FRAS1: variants seen among roughly 807,000 people sequenced by gnomAD.
The protein encoded by FRAS1 is extracellular matrix organizing protein FRAS1.
FRAS1 carries 290 observed loss-of-function variants against 435.2 expected under a neutral mutation model. That is an observed-to-expected ratio of 0.67 (90% CI 0.61 to 0.73). FRAS1 has a LOEUF of 0.73. Ranked by LOEUF, FRAS1 falls within the 30% of genes least tolerant of loss-of-function variation. The pLI is 0.00. For missense variants in FRAS1, 4,860 were observed against 5,001.5 expected (o/e 0.97, Z 0.85); for synonymous variants, 1,800 against 1,851.0 (o/e 0.97, Z 0.71).
intron 2 of FRAS1, among the ~76,000 whole-genome samples, chr4:78,116,896 T>C (rs1352160770): frequency 1.3e-5 from 2 of 152,226 alleles, no homozygotes; most frequent in Non-Finnish European, 2.9e-5. Context: ...GTTATTTTGC[T>C]CATTAGTTGA....
At chr4:78,088,219 A>G (rs1453113649) in intron 2 of FRAS1, among the ~76,000 whole-genome samples, 1 of 152,216 alleles carries the variant, frequency 6.6e-6, no homozygotes, top group Non-Finnish European at 1.5e-5. Context: ...AAAACTGGCT[A>G]GCCATATGTA....
At chr4:78,453,023 G>A (rs983851207) in intron 47 of FRAS1, among the ~76,000 whole-genome samples, 20 of 152,304 alleles carry the variant, frequency 1.3e-4, no homozygotes, top group African/African-American at 4.1e-4. Context: ...CCAGAGATGG[G>A]AGGCACATTC....
intron 2 of FRAS1, among the ~76,000 whole-genome samples, chr4:78,164,464 A>G (rs1411417922): frequency 1.3e-5 from 2 of 152,136 alleles, no homozygotes; most frequent in Non-Finnish European, 2.9e-5. Context: ...ATAAGAAAAT[A>G]TTTAGAAAAT....
intron 2 of FRAS1, among the ~76,000 whole-genome samples, chr4:78,105,622 T>C (rs1276762798): frequency 1.3e-5 from 2 of 152,148 alleles, no homozygotes; most frequent in Non-Finnish European, 2.9e-5. Context: ...ACCATCGTTT[T>C]TGAACATATT....
At chr4:78,245,458 T>C in intron 4 of FRAS1, 133 bp downstream of exon 4, 2 of 645,188 alleles carry the variant, frequency 3.1e-6, no homozygotes, top group South Asian at 3.7e-5. Context: ...CCCATTTGAC[T>C]TTCTGTGAGC....
intron 35 of FRAS1, among the ~76,000 whole-genome samples, chr4:78,425,117 T>G (rs1369863168): frequency 1.3e-5 from 2 of 150,396 alleles, no homozygotes; most frequent in Admixed American, 1.3e-4. Flanking sequence ...ATAATAATAA[T>G]AATAATAATA....
chr4:78,523,191 A>C (rs1418944369), intron 69 of FRAS1, among the ~76,000 whole-genome samples: 2 of 152,198 alleles, frequency 1.3e-5, no homozygotes, highest in Non-Finnish European at 2.9e-5. Flanking sequence ...AAGTGCTTAC[A>C]CTTATTGCAA....
chr4:78,373,426 A>G (rs948294203), intron 24 of FRAS1, among the ~76,000 whole-genome samples: 4 of 149,452 alleles, frequency 2.7e-5, no homozygotes, highest in Non-Finnish European at 5.9e-5. Flanking sequence ...TTTCAGCAAA[A>G]CAGTACTGAG....
chr4:78,082,510 A>G (rs1740942559), intron 2 of FRAS1, among the ~76,000 whole-genome samples: 1 of 152,154 alleles, frequency 6.6e-6, no homozygotes, highest in South Asian at 2.1e-4. Context: ...AATGTTAGAA[A>G]GTACAGTTTC....
chr4:78,227,139 A>C (rs939872526), intron 2 of FRAS1, among the ~76,000 whole-genome samples: 8 of 152,290 alleles, frequency 5.3e-5, no homozygotes, highest in Admixed American at 2.6e-4. Context: ...CCTTTCCTTG[A>C]CTAGTTAAGT....
At chr4:78,469,744 G>A (rs1719645501) in intron 50 of FRAS1, among the ~76,000 whole-genome samples, 1 of 151,996 alleles carries the variant, frequency 6.6e-6, no homozygotes, top group Admixed American at 6.6e-5. Flanking sequence ...ACTTGTTGTT[G>A]TTGTTGTTGT....
In FRAS1 at chr4:78,322,529, T is replaced by C. The variant is rs115984058; in HGVS notation, c.2137+3543T>C. The stretch of plus-strand genomic sequence containing the variant: ...CTTTGAGACTACAGCACAGAGTGAT[T>C]AGAATATTACTGCAGCTAATAAAAG... On this transcript the variant is annotated intron_variant, in intron 18 of 73. Transcript: ENST00000512123. Among the ~76,000 whole-genome samples the C allele has an allele frequency of 3.3e-3, 500 of 152,294 alleles. 2 individuals are homozygous for C. Among genetic ancestry groups the C allele is most frequent in the African/African-American group, 0.011 (461 of 41,538 alleles).
chr4:78,173,456 T>C (rs1721638670), intron 2 of FRAS1, among the ~76,000 whole-genome samples: 1 of 152,180 alleles, frequency 6.6e-6, no homozygotes, highest in African/African-American at 2.4e-5. Flanking sequence ...TCCTTTACTC[T>C]CCAGATGCCC....
intron 9 of FRAS1, among the ~76,000 whole-genome samples, chr4:78,276,893 G>A (rs960974544): frequency 6.6e-6 from 1 of 152,174 alleles, no homozygotes; most frequent in Non-Finnish European, 1.5e-5. Context: ...CTTTTGTTTG[G>A]CTATGCCCTG....
At chr4:78,156,361 G>A (rs1321675151) in intron 2 of FRAS1, among the ~76,000 whole-genome samples, 6 of 151,312 alleles carry the variant, frequency 4.0e-5, no homozygotes, top group Non-Finnish European at 7.4e-5. Context: ...CTCTTTGACA[G>A]GATCTATAGT....
rs1397240756 is a variant in FRAS1, at chr4:78,541,861, A to T, written c.*737A>T. On this transcript the variant is annotated 3_prime_UTR_variant, in exon 74 of 74. Coordinates refer to ENST00000512123, the MANE Select transcript of FRAS1 (RefSeq NM_025074.7). ...TCAGAGCACATTAGTGATGCCCTTC[A>T]CCCCAGGGAGGTGTCTGTTCCCAAC... 6.6e-6 allele frequency: 1 copy of T among 152,134 alleles called. No individual in the cohort carries two copies. The highest frequency in any genetic ancestry group is 6.5e-5 in the Admixed American group (1 of 15,272). The allele number at this position is 152,134 out of a possible 1,614,324, so 9.4% of individuals were successfully genotyped here. A position where few individuals can be genotyped will look rare whatever the true frequency, so the allele number is the denominator to read the frequency against.
intron 2 of FRAS1, among the ~76,000 whole-genome samples, chr4:78,077,083 G>C (rs887650934): frequency 6.6e-6 from 1 of 152,166 alleles, no homozygotes; most frequent in Non-Finnish European, 1.5e-5. Context: ...CTTGCATGGT[G>C]CCTCACACCT....
intron 2 of FRAS1, among the ~76,000 whole-genome samples, chr4:78,141,605 A>C (rs966112151): frequency 1.3e-5 from 2 of 152,200 alleles, no homozygotes; most frequent in African/African-American, 4.8e-5. Flanking sequence ...GAAACTGAGC[A>C]TAGCTTTTAG....
At chr4:78,447,983 G>T in intron 43 of FRAS1, 70 bp from the exon 44 acceptor site, 1 of 1,376,906 alleles carries the variant, frequency 7.3e-7, no homozygotes, top group South Asian at 1.5e-5. Flanking sequence ...GGAAAAATCA[G>T]ACAATGTTTT....
Sources: gnomAD v4.1 joint callset for allele counts (sites outside exome capture counted in the v4.1 genomes callset) on GRCh38, gnomAD v4.1.1 for gene constraint, MANE v1.5 for transcripts, NCBI Gene and HGNC (gene_info 2026-07-23, HGNC 2026-07-21) for gene names.